Variants in DOCK8 observed in about 807,000 individuals in gnomAD.
DOCK8 encodes the protein dedicator of cytokinesis protein 8.
A neutral mutation model predicts 245.6 loss-of-function variants in DOCK8; 141 were observed. The ratio of observed to expected loss-of-function variants is 0.57; its 90% confidence interval spans 0.50 to 0.66. The LOEUF is 0.66. Among genes scored for constraint, DOCK8 ranks in the 30% least tolerant of loss-of-function variants. The pLI is 0.00. For synonymous variants in DOCK8, 1,168 were observed against 970.2 expected (o/e 1.20, Z -3.79); for missense variants, 2,965 against 2,603.4 (o/e 1.14, Z -3.02).
At chr9:404,295 G>C (rs887636098) in intron 26 of DOCK8, among the ~76,000 whole-genome samples, 4 of 151,816 alleles carry the variant, frequency 2.6e-5, no homozygotes, top group Admixed American at 1.3e-4. Flanking sequence ...ATTTTTTAAA[G>C]GAAGATTTTT....
At chr9:416,465 T>C (rs1429676995) in intron 29 of DOCK8, among the ~76,000 whole-genome samples, 1 of 152,238 alleles carries the variant, frequency 6.6e-6, no homozygotes, top group Non-Finnish European at 1.5e-5. Flanking sequence ...TTTCAACATT[T>C]GGTCTCCAAG....
chr9:390,622 A>C (rs1440096527), intron 24 of DOCK8, 56 bp downstream of exon 24: 3 of 1,547,336 alleles, frequency 1.9e-6, no homozygotes, highest in Non-Finnish European at 2.7e-6. Flanking sequence ...AGCACACAGC[A>C]GAAAGGAATT....
At position 332,447 on chromosome 9, in the gene DOCK8, A is replaced by G. The variant is rs1206188468; in HGVS notation, c.1094A>G (p.Tyr365Cys). 1.9e-6 allele frequency: 3 copies of G among 1,613,338 alleles called. No homozygotes were observed. The highest frequency in any genetic ancestry group is 1.1e-5 in the South Asian group (1 of 91,074). ...QGEIGDCAEPYTVIKESDGGK... is the reference protein window; with the variant it reads ...QGEIGDCAEPCTVIKESDGGK... Reference sequence around the variant, plus strand: ...GAGATTGGAGACTGTGCAGAGCCCTACACGGTTATCAAAGAAAGTGATGGT... The same window carrying G: ...GAGATTGGAGACTGTGCAGAGCCCTGCACGGTTATCAAAGAAAGTGATGGT... Residue 365 changes from tyrosine (Y) to cysteine (C), a missense_variant, in exon 10 of 48, where the codon TAC becomes TGC. Physicochemically the swap from Tyr to Cys is radical, Grantham distance 194 (BLOSUM62 -2). Coordinates refer to ENST00000432829, the MANE Select transcript of DOCK8 (RefSeq NM_203447.4).
chr9:451,236 G>A lies in DOCK8; in HGVS notation c.5962-775G>A, dbSNP rs762080297. 8.5e-5 allele frequency among the ~76,000 whole-genome samples: 13 copies of A among 152,060 alleles called. No homozygotes were observed. The East Asian group carries it at 9.7e-4, about 11-fold the overall frequency. ...TGAGGCAGGAGAATCCCTTGAACCC[G>A]GGAGGTGGAGGTTGTAGTGAGCTGA... On this transcript the variant is annotated intron_variant, in intron 45 of 47. Coordinates refer to ENST00000432829, the MANE Select transcript of DOCK8 (RefSeq NM_203447.4).
At chr9:354,248 C>T (rs2052318634) in intron 14 of DOCK8, among the ~76,000 whole-genome samples, 2 of 152,164 alleles carry the variant, frequency 1.3e-5, no homozygotes, top group Admixed American at 1.3e-4. Flanking sequence ...AGGAGAATCA[C>T]TTGAACCCGA....
At chr9:460,384 A>T (rs1049719457) in intron 46 of DOCK8, 1 of 152,092 alleles carries the variant, frequency 6.6e-6, no homozygotes, top group Non-Finnish European at 1.5e-5. Flanking sequence ...CTTTGGCAGG[A>T]CTCATCCCAC....
intron 11 of DOCK8, 94 bp from the exon 12 acceptor site, chr9:336,488 T>A (rs896806418): frequency 3.3e-6 from 5 of 1,536,962 alleles, no homozygotes; most frequent in Admixed American, 3.4e-5. Context: ...GTGTTCCTGA[T>A]CAGTGACTTT....
At chr9:449,664 C>T (rs2057368517) in intron 44 of DOCK8, 120 bp from the exon 45 acceptor site, 33 of 1,281,312 alleles carry the variant, frequency 2.6e-5, no homozygotes, top group Non-Finnish European at 3.6e-5. Flanking sequence ...TTAAATTACT[C>T]TGAAAGTCTT....
chr9:264,949 G>A (rs113560418), intron 1 of DOCK8, among the ~76,000 whole-genome samples: 6,168 of 152,020 alleles, frequency 0.041, 383 homozygotes, highest in African/African-American at 0.14. Context: ...TATTTATTTT[G>A]AGACAAAGTC....
At chr9:434,449 T>A (rs2056824491) in intron 38 of DOCK8, among the ~76,000 whole-genome samples, 1 of 152,168 alleles carries the variant, frequency 6.6e-6, no homozygotes, top group South Asian at 2.1e-4. Context: ...GCAGTACTTT[T>A]GTCTTCTGTT....
chr9:224,060 T>C (rs142926150), intron 1 of DOCK8, among the ~76,000 whole-genome samples: 94 of 152,294 alleles, frequency 6.2e-4, no homozygotes, highest in Middle Eastern at 3.4e-3. Flanking sequence ...TGTCAAATAG[T>C]TCTGAAAGTA....
intron 28 of DOCK8, among the ~76,000 whole-genome samples, chr9:411,306 G>A (rs1031825745): frequency 2.6e-4 from 40 of 151,960 alleles, no homozygotes; most frequent in African/African-American, 8.7e-4. Flanking sequence ...CCATCTACTC[G>A]GGAGGCTGAG....
chr9:329,502 G>A (rs1194237737), intron 9 of DOCK8, among the ~76,000 whole-genome samples: 1 of 152,120 alleles, frequency 6.6e-6, no homozygotes, highest in Non-Finnish European at 1.5e-5. Context: ...TGTAGCTTGA[G>A]GGGAACTTAT....
intron 24 of DOCK8, among the ~76,000 whole-genome samples, chr9:394,687 G>C (rs2054363646): frequency 6.6e-6 from 1 of 152,206 alleles, no homozygotes; most frequent in African/African-American, 2.4e-5. Context: ...TACTCACTCA[G>C]GACATGAAGT....
chr9:356,692 T>C (rs1027902646), intron 14 of DOCK8, among the ~76,000 whole-genome samples: 3 of 152,262 alleles, frequency 2.0e-5, no homozygotes, highest in South Asian at 4.2e-4. Flanking sequence ...ATGCACACCT[T>C]CAGTCCATAA....
At chr9:286,236 G>A (rs1009247215) in intron 2 of DOCK8, among the ~76,000 whole-genome samples, 2 of 152,036 alleles carry the variant, frequency 1.3e-5, no homozygotes, top group African/African-American at 4.8e-5. Context: ...CCTTGGGGTG[G>A]GATTTTAATT....
At chr9:411,051 C>T (rs1228020244) in intron 28 of DOCK8, among the ~76,000 whole-genome samples, 1 of 152,122 alleles carries the variant, frequency 6.6e-6, no homozygotes, top group African/African-American at 2.4e-5. Flanking sequence ...TCCAAATAGA[C>T]CTACAGAAGT....
At chr9:314,551 G>C (rs2050264376) in intron 6 of DOCK8, 1 of 152,194 alleles carries the variant, frequency 6.6e-6, no homozygotes, top group South Asian at 2.1e-4. Flanking sequence ...TCTGGGAGCA[G>C]GCCTAATGGG....
intron 43 of DOCK8, among the ~76,000 whole-genome samples, chr9:446,043 AG>A: frequency 6.6e-6 from 1 of 152,216 alleles, no homozygotes; most frequent in East Asian, 1.9e-4. Flanking sequence ...CATTCTGTAA[AG>A]GAAAGTTTGT....
Sources: allele counts gnomAD v4.1 joint callset (sites outside exome capture counted in the v4.1 genomes callset), GRCh38; gene constraint gnomAD v4.1.1; transcripts MANE v1.5; gene names NCBI Gene and HGNC (gene_info 2026-07-23, HGNC 2026-07-21).